COL24A1: variants seen among roughly 807,000 people sequenced by gnomAD.
COL24A1 encodes the protein collagen type XXIV alpha 1 chain, also known as collagen alpha-1(XXIV) chain.
COL24A1 carries 224 observed loss-of-function variants against 253.9 expected under a neutral mutation model. That is an observed-to-expected ratio of 0.88 (90% CI 0.79 to 0.99). COL24A1 has a LOEUF of 0.99. Ranked by LOEUF, COL24A1 falls within the 50% of genes least tolerant of loss-of-function variation. The probability of loss-of-function intolerance (pLI) is 0.00; values close to 1 mark genes in which losing one functional copy is unlikely to be tolerated. For synonymous variants in COL24A1, 685 were observed against 673.7 expected, an observed-to-expected ratio of 1.02 and a Z score of -0.26; for missense variants, 2,131 against 2,068.5, an observed-to-expected ratio of 1.03 and a Z score of -0.59.
At chr1:85,777,514 G>T (rs575989345) in intron 52 of COL24A1, among the ~76,000 whole-genome samples, 2 of 151,942 alleles carry the variant, frequency 1.3e-5, no homozygotes, top group African/African-American at 4.8e-5. Context: ...TTAAACAATT[G>T]CATAATATTC....
At chr1:86,065,200 A>AT (rs113033207) in intron 7 of COL24A1, among the ~76,000 whole-genome samples, 3,169 of 151,982 alleles carry the variant, frequency 0.021, 38 homozygotes, top group Middle Eastern at 0.068. Context: ...TCCTTTTCCT[A>AT]TTTTTTTAAA....
At chr1:85,748,745 C>T (rs1665584096) in intron 55 of COL24A1, among the ~76,000 whole-genome samples, 1 of 133,244 alleles carries the variant, frequency 7.5e-6, no homozygotes, top group Non-Finnish European at 1.6e-5. Flanking sequence ...CAGGGAGTTC[C>T]CTTTCCGAGT....
intron 14 of COL24A1, among the ~76,000 whole-genome samples, chr1:86,023,782 A>G (rs1697770756): frequency 6.6e-6 from 1 of 152,142 alleles, no homozygotes; most frequent in South Asian, 2.1e-4. Context: ...TATGAAAGAA[A>G]AATTTGAAAA....
chr1:86,016,896 T>C (rs937675999), intron 19 of COL24A1, among the ~76,000 whole-genome samples: 3 of 152,214 alleles, frequency 2.0e-5, no homozygotes, highest in Non-Finnish European at 4.4e-5. Flanking sequence ...TTGTTATTAA[T>C]AGCTGTGCAG....
In COL24A1 at chr1:85,889,612, C is replaced by A. The variant is rs201290121; in HGVS notation, c.2924G>T (p.Gly975Val). The part of the protein sequence containing the change: ...PGERGFQGKP[G>V]LQGLPGSTGD... Reference sequence around the variant, plus strand: ...TGTACTTCCAGGCAATCCCTGTAAACCCTGGACAAATAAAGGCAATACTTG... The same window carrying A: ...TGTACTTCCAGGCAATCCCTGTAAAACCTGGACAAATAAAGGCAATACTTG... The change falls in exon 32 of 60, where the codon GGT becomes GTT. Residue 975 changes from glycine to valine, a missense_variant and splice_region_variant. By Grantham distance (109) the Gly-to-Val change is moderately radical (BLOSUM62 -3). Transcript: ENST00000370571. The A allele has an allele frequency of 3.1e-6, 5 of 1,612,924 alleles. No individual in the cohort carries two copies. Among genetic ancestry groups the A allele is most frequent in the Non-Finnish European group, 4.2e-6 (5 of 1,179,182 alleles).
At chr1:85,779,804 AT>A (rs1467448354) in intron 52 of COL24A1, among the ~76,000 whole-genome samples, 1 of 151,898 alleles carries the variant, frequency 6.6e-6, no homozygotes, top group Non-Finnish European at 1.5e-5. Context: ...CCTCACTGGT[AT>A]TTTTTTTCCC....
At chr1:85,877,597 A>G (rs930899958) in intron 32 of COL24A1, among the ~76,000 whole-genome samples, 7 of 152,234 alleles carry the variant, frequency 4.6e-5, no homozygotes, top group Non-Finnish European at 1.0e-4. Flanking sequence ...TCCTGACCTC[A>G]GGTGATCCAC....
chr1:85,920,741 G>A (rs1686369302), intron 24 of COL24A1, among the ~76,000 whole-genome samples: 2 of 152,044 alleles, frequency 1.3e-5, no homozygotes, highest in African/African-American at 4.8e-5. Flanking sequence ...AAAAGCCACT[G>A]TTAGAGGAAA....
chr1:86,101,382 T>C (rs1234470060), intron 5 of COL24A1, among the ~76,000 whole-genome samples: 2 of 152,164 alleles, frequency 1.3e-5, no homozygotes, highest in Non-Finnish European at 2.9e-5. Context: ...TTTATTTCTT[T>C]CTCTTGCCTA....
At chr1:85,927,593 G>C (rs1354596858) in intron 24 of COL24A1, among the ~76,000 whole-genome samples, 2 of 113,960 alleles carry the variant, frequency 1.8e-5, no homozygotes, top group Non-Finnish European at 3.7e-5. Flanking sequence ...GCTCAAGGAG[G>C]CCTGCCTGCC....
intron 4 of COL24A1, among the ~76,000 whole-genome samples, chr1:86,112,854 C>A (rs1168039079): frequency 6.6e-6 from 1 of 152,196 alleles, no homozygotes; most frequent in Non-Finnish European, 1.5e-5. Context: ...GAAGCAATAT[C>A]TCTCTCCTAC....
chr1:86,042,648 G>A (rs1699591977), intron 12 of COL24A1, among the ~76,000 whole-genome samples: 1 of 152,032 alleles, frequency 6.6e-6, no homozygotes, highest in Non-Finnish European at 1.5e-5. Flanking sequence ...GCTCTTATTT[G>A]TAAGTCTATA....
intron 24 of COL24A1, among the ~76,000 whole-genome samples, chr1:85,926,841 A>G (rs543151059): frequency 1.3e-4 from 20 of 152,082 alleles, no homozygotes; most frequent in Admixed American, 1.2e-3. Flanking sequence ...TAATAATAAA[A>G]AGAGTCAAAA....
chr1:85,787,401 G>C (rs1669797850), intron 47 of COL24A1, among the ~76,000 whole-genome samples: 1 of 152,086 alleles, frequency 6.6e-6, no homozygotes, highest in African/African-American at 2.4e-5. Flanking sequence ...AGTGGGTGTT[G>C]TTCCCCTCCC....
chr1:86,059,451 G>T (rs1477700114), intron 8 of COL24A1, among the ~76,000 whole-genome samples: 2 of 152,028 alleles, frequency 1.3e-5, no homozygotes, highest in Non-Finnish European at 2.9e-5. Context: ...TTATTCTAGA[G>T]GAAGAGCTGG....
intron 28 of COL24A1, among the ~76,000 whole-genome samples, chr1:85,900,466 C>A (rs1472544505): frequency 2.0e-5 from 3 of 151,928 alleles, no homozygotes; most frequent in African/African-American, 7.3e-5. Flanking sequence ...TGGCAAGACC[C>A]TGTCTCTACA....
chr1:85,827,136 G>C (rs1449534226), intron 43 of COL24A1, among the ~76,000 whole-genome samples: 1 of 152,050 alleles, frequency 6.6e-6, no homozygotes, highest in Admixed American at 6.6e-5. Context: ...TTAGCATGAA[G>C]GGCTGTTGAA....
intron 37 of COL24A1, among the ~76,000 whole-genome samples, chr1:85,857,141 G>T (rs1678524072): frequency 6.6e-6 from 1 of 152,136 alleles, no homozygotes; most frequent in Non-Finnish European, 1.5e-5. Flanking sequence ...GGTATCTTTT[G>T]TAGATATCAC....
chr1:85,757,264 CT>C (rs1198714878), intron 55 of COL24A1, among the ~76,000 whole-genome samples: 1 of 152,118 alleles, frequency 6.6e-6, no homozygotes, highest in East Asian at 1.9e-4. Flanking sequence ...CTCATTATCC[CT>C]TAGACCAAAC....
Sources: allele counts gnomAD v4.1 joint callset (sites outside exome capture counted in the v4.1 genomes callset), GRCh38; gene constraint gnomAD v4.1.1; transcripts MANE v1.5; gene names NCBI Gene and HGNC (gene_info 2026-07-23, HGNC 2026-07-21).